COMT: variants seen among roughly 807,000 people sequenced by gnomAD.
COMT encodes the protein catechol-O-methyltransferase.
In COMT, 13 loss-of-function variants were observed where a neutral mutation model predicts 18.9. The observed-to-expected ratio is 0.69, with a 90% CI of 0.45 to 1.09. The LOEUF is 1.09. Among genes scored for constraint, COMT ranks in the 50% least tolerant of loss-of-function variants. The pLI is 0.00. For missense variants in COMT, 329 were observed against 361.8 expected (o/e 0.91, Z 0.73); for synonymous variants, 150 against 160.9 (o/e 0.93, Z 0.51).
At chr22:19,962,121 G>C (rs3810595) in intron 2 of COMT, 111,182 of 296,138 alleles carry the variant, frequency 0.38, 21,536 homozygotes, top group Middle Eastern at 0.44. Context: ...GGCCACCCGT[G>C]ACTACCCCCA....
Position 19,969,880 on chromosome 22 carries a change from G to A in COMT, c.*1144G>A, listed in dbSNP as rs1942648387. 1.6e-5 allele frequency: 16 copies of A among 985,410 alleles called. No homozygotes were observed. The highest frequency in any genetic ancestry group is 1.9e-5 in the Non-Finnish European group (16 of 829,928). 61.0% of individuals were successfully genotyped at this position (985,410 alleles called of 1,614,324 possible). On this transcript the variant is annotated 3_prime_UTR_variant, in exon 6 of 6. Coordinates refer to ENST00000361682, the MANE Select transcript of COMT (RefSeq NM_000754.4). ...CCAGCCACTTGTGCCAGACCTGAGT[G>A]GCAGAAAGCAAAAAGTTCCTTTGCT...
In COMT at chr22:19,962,667, C is replaced by A; in HGVS notation, c.141C>A (p.His47Gln). ...GWNEFILQPIHNLLMGDTKEQ... is the reference protein window; with the variant it reads ...GWNEFILQPIQNLLMGDTKEQ... ...ACGAGTTCATCCTGCAGCCCATCCA[C>A]AACCTGCTCATGGGTGACACCAAGG... is the stretch of plus-strand genomic sequence containing the variant. Residue 47 changes from histidine to glutamine, a missense_variant, in exon 3 of 6, where the codon CAC becomes CAA. Physicochemically the swap from His to Gln is conservative, Grantham distance 24 (BLOSUM62 0). Coordinates refer to ENST00000361682, the MANE Select transcript of COMT (RefSeq NM_000754.4). The A allele has an allele frequency of 6.2e-7, 1 of 1,612,892 alleles. No individual in the cohort carries two copies. The highest frequency in any genetic ancestry group is 8.5e-7 in the Non-Finnish European group (1 of 1,179,770).
chr22:19,958,722 C>CAA lies in COMT; in HGVS notation c.-91-2458_-91-2457dup, dbSNP rs361549. ...GACCCCACCTCCACTCCATCTCTAC[C>CAA]AAAAAAAAAAAAAAAAAAAAGCTGG... On this transcript the variant is annotated intron_variant, in intron 1 of 5. Transcript: ENST00000361682. Among the ~76,000 whole-genome samples the CAA allele has an allele frequency of 7.7e-3, 668 of 87,140 alleles. 12 individuals are homozygous for CAA. Among genetic ancestry groups the CAA allele is most frequent in the South Asian group, 0.014 (32 of 2,246 alleles). The allele number at this position is 87,140 out of a possible 152,430, so 57.2% of individuals were successfully genotyped here.
rs369556079 is a variant in COMT at position 19,969,906 on chromosome 22, G to A, written c.*1170G>A. On this transcript the variant is annotated 3_prime_UTR_variant, in exon 6 of 6. Transcript: ENST00000361682. ...GCAGAAAGCAAAAAGTTCCTTTGCTGCTTTAATTTTTAAATTTTCTTACAA... is the reference window on the plus strand; with the variant it reads ...GCAGAAAGCAAAAAGTTCCTTTGCTACTTTAATTTTTAAATTTTCTTACAA... 1.0e-6 allele frequency: 1 copy of A among 985,504 alleles called. No individual in the cohort carries two copies. The highest frequency in any genetic ancestry group is 1.7e-5 in the African/African-American group (1 of 57,370). 61.0% of individuals were successfully genotyped at this position (985,504 alleles called of 1,614,324 possible). A position where few individuals can be genotyped will look rare whatever the true frequency, so the allele number is the denominator to read the frequency against.
rs546597649 is a variant in COMT at position 19,969,631 on chromosome 22, G to A, written c.*895G>A. ...TGTGCTAGCTGAGTTCACCTGCACC[G>A]AGACCAGCCCCTAGCCAAGATTCTA... On this transcript the variant is annotated 3_prime_UTR_variant, in exon 6 of 6. Transcript: ENST00000361682. The A allele has an allele frequency of 1.5e-4, 25 of 162,238 alleles. No individual in the cohort carries two copies. Among genetic ancestry groups the A allele is most frequent in the Admixed American group, 9.1e-4 (14 of 15,310 alleles). The allele number at this position is 162,238 out of a possible 1,614,324, so 10.0% of individuals were successfully genotyped here. A position where few individuals can be genotyped will look rare whatever the true frequency, so the allele number is the denominator to read the frequency against.
At chr22:19,953,615 A>G (rs762279503) in intron 1 of COMT, among the ~76,000 whole-genome samples, 7 of 152,144 alleles carry the variant, frequency 4.6e-5, no homozygotes, top group Non-Finnish European at 7.4e-5. Context: ...AGTACTCAGC[A>G]GCTGCCAAAA....
At chr22:19,956,227 C>T (rs757230345) in intron 1 of COMT, among the ~76,000 whole-genome samples, 17 of 147,780 alleles carry the variant, frequency 1.2e-4, no homozygotes, top group Non-Finnish European at 1.6e-4. Flanking sequence ...TCACTGCAAC[C>T]GCCTCCCGGG....
At chr22:19,961,104 C>G (rs1040580518) in intron 1 of COMT, 95 bp from the exon 2 acceptor site, 1 of 152,296 alleles carries the variant, frequency 6.6e-6, no homozygotes, top group South Asian at 2.1e-4. Context: ...CAGGCTGGCC[C>G]TATCCGGGGA....
chr22:19,962,920 G>A, intron 3 of COMT, 105 bp downstream of exon 3: 1 of 1,398,860 alleles, frequency 7.1e-7, no homozygotes, highest in Admixed American at 2.3e-5. Context: ...CAGGGGGCTG[G>A]GAACCCTGGG....
chr22:19,967,446 G>A (rs1569137141), intron 5 of COMT: 1 of 465,312 alleles, frequency 2.1e-6, no homozygotes, highest in East Asian at 7.0e-5. Context: ...GGTACTTCCT[G>A]CTCAACTCCG....
chr22:19,957,764 A>G (rs1349088714), intron 1 of COMT, among the ~76,000 whole-genome samples: 1 of 152,154 alleles, frequency 6.6e-6, no homozygotes, highest in African/African-American at 2.4e-5. Flanking sequence ...GCCGTTTCAC[A>G]GAGGAGGGAA....
At chr22:19,942,597 G>A (rs1837909565) in intron 1 of COMT, among the ~76,000 whole-genome samples, 1 of 152,160 alleles carries the variant, frequency 6.6e-6, no homozygotes, top group Non-Finnish European at 1.5e-5. Flanking sequence ...TCCAGCCAGG[G>A]ATTTTTGTGT....
intron 1 of COMT, among the ~76,000 whole-genome samples, chr22:19,954,733 G>T (rs564321527): frequency 1.3e-5 from 2 of 152,198 alleles, no homozygotes; most frequent in Non-Finnish European, 1.5e-5. Flanking sequence ...GATTACAGAC[G>T]TGAGCCACCG....
At chr22:19,953,421 G>A (rs1022538593) in intron 1 of COMT, among the ~76,000 whole-genome samples, 2 of 152,008 alleles carry the variant, frequency 1.3e-5, no homozygotes, top group East Asian at 3.9e-4. Context: ...AGCCTCCCGA[G>A]TAGCTGGGAC....
chr22:19,969,808 C>T lies in COMT; in HGVS notation c.*1072C>T. On this transcript the variant is annotated 3_prime_UTR_variant, in exon 6 of 6. Transcript: ENST00000361682. ...AGATGGGCACCTGGGACCACCTCCA[C>T]CCAGGGCCCTGCCCCAGACGCGCAG... The T allele has an allele frequency of 1.0e-6, 1 of 982,444 alleles. No individual in the cohort carries two copies. The highest frequency in any genetic ancestry group is 1.2e-6 in the Non-Finnish European group (1 of 827,188). The allele number at this position is 982,444 out of a possible 1,614,324, so 60.9% of individuals were successfully genotyped here. A position where few individuals can be genotyped will look rare whatever the true frequency, so the allele number is the denominator to read the frequency against.
rs1391980175 is a variant in COMT at position 19,968,703 on chromosome 22, C to T, written c.783C>T (p.Ile261=). The T allele has an allele frequency of 2.5e-6, 4 of 1,613,166 alleles. No individual in the cohort carries two copies. The African/African-American group carries it at 5.3e-5, about 22-fold the overall frequency. The change falls in exon 6 of 6, where the codon ATC becomes ATT. Residue 261 remains isoleucine (I), a synonymous_variant. Coordinates refer to ENST00000361682, the MANE Select transcript of COMT (RefSeq NM_000754.4). The stretch of plus-strand genomic sequence containing the variant: ...TGGTGGACGGCCTGGAGAAGGCCAT[C>T]TACAAGGGCCCAGGCAGCGAAGCAG... ...REVVDGLEKA[I]YKGPGSEAGP
chr22:19,945,418 C>T (rs559611471), intron 1 of COMT, among the ~76,000 whole-genome samples: 29 of 152,316 alleles, frequency 1.9e-4, no homozygotes, highest in African/African-American at 6.7e-4. Flanking sequence ...TCAAACAGGA[C>T]ATTCCAGTCC....
intron 3 of COMT, 117 bp from the exon 4 acceptor site, chr22:19,963,449 G>A (rs1363155294): frequency 2.4e-6 from 3 of 1,227,176 alleles, no homozygotes; most frequent in Non-Finnish European, 3.5e-6. Context: ...AGGGCCAGCG[G>A]CCAGGCATTT....
At chr22:19,962,867 G>A in intron 3 of COMT, 52 bp downstream of exon 3, 1 of 1,566,210 alleles carries the variant, frequency 6.4e-7, no homozygotes, top group Non-Finnish European at 8.7e-7. Flanking sequence ...CCCAGGACCA[G>A]GCATCAAAGC....
Sources: gnomAD v4.1 joint callset for allele counts (sites outside exome capture counted in the v4.1 genomes callset) on GRCh38, gnomAD v4.1.1 for gene constraint, MANE v1.5 for transcripts, NCBI Gene and HGNC (gene_info 2026-07-23, HGNC 2026-07-21) for gene names.